The following OTUD7A variants were observed in gnomAD, a reference collection of about 807,000 sequenced individuals.
OTUD7A encodes the protein OTU deubiquitinase 7A.
In OTUD7A, 12 loss-of-function variants were observed where a neutral mutation model predicts 65.7. That is an observed-to-expected ratio of 0.18 (90% CI 0.12 to 0.30). OTUD7A has a LOEUF of 0.30. OTUD7A is among the 10% of genes least tolerant of loss of function. The pLI, the probability that OTUD7A is intolerant of heterozygous loss-of-function variation, is 1.00. For synonymous variants in OTUD7A, 641 were observed against 586.3 expected (o/e 1.09, Z -1.35); for missense variants, 1,148 against 1,304.8 (o/e 0.88, Z 1.85).
At position 31,702,586 on chromosome 15, in the gene OTUD7A, A is replaced by C. The variant is rs555823089; in HGVS notation, c.-99-45509T>G. Reference sequence around the variant, plus strand: ...GTATGCTGAACACCATAAAACATTAAAGATATAAAAATCTACTAATTAAAT... The same window carrying C: ...GTATGCTGAACACCATAAAACATTACAGATATAAAAATCTACTAATTAAAT... On this transcript the variant is annotated intron_variant, in intron 1 of 12. Coordinates refer to ENST00000307050, the MANE Select transcript of OTUD7A (RefSeq NM_001382637.1). Among the ~76,000 whole-genome samples the C allele has an allele frequency of 6.8e-3, 1,037 of 151,744 alleles. 12 individuals carry two copies. Among genetic ancestry groups the C allele is most frequent in the African/African-American group, 0.024 (991 of 41,312 alleles).
intron 3 of OTUD7A, among the ~76,000 whole-genome samples, chr15:31,579,175 A>T (rs188494600): frequency 6.6e-6 from 1 of 152,348 alleles, no homozygotes. Context: ...GAAAAATCTG[A>T]GGAAAAAACA....
intron 5 of OTUD7A, among the ~76,000 whole-genome samples, chr15:31,554,033 C>T (rs981341206): frequency 3.3e-5 from 5 of 152,126 alleles, no homozygotes; most frequent in African/African-American, 9.7e-5. Context: ...CTCTCACCCT[C>T]GCTCCACCAG....
At chr15:31,562,860 C>T (rs1888738188) in intron 4 of OTUD7A, among the ~76,000 whole-genome samples, 1 of 152,072 alleles carries the variant, frequency 6.6e-6, no homozygotes, top group African/African-American at 2.4e-5. Context: ...AAAAAACAGC[C>T]CAGATTGGGC....
chr15:31,611,640 G>T (rs1397718865), intron 3 of OTUD7A, among the ~76,000 whole-genome samples: 3 of 152,102 alleles, frequency 2.0e-5, no homozygotes, highest in African/African-American at 7.2e-5. Context: ...CCAATAACAA[G>T]CAGGGAGATT....
chr15:31,735,204 C>T (rs1716965902), intron 1 of OTUD7A, among the ~76,000 whole-genome samples: 5 of 152,144 alleles, frequency 3.3e-5, no homozygotes, highest in African/African-American at 1.2e-4. Context: ...TACCATCTCA[C>T]ACCAGTCAGA....
chr15:31,600,509 C>T (rs140196900), intron 3 of OTUD7A, among the ~76,000 whole-genome samples: 5,318 of 152,202 alleles, frequency 0.035, 333 homozygotes, highest in African/African-American at 0.12. Flanking sequence ...CAAAAACATA[C>T]CAAATTGTAA....
At chr15:31,835,771 TAC>T (rs1897041644) in intron 1 of OTUD7A, among the ~76,000 whole-genome samples, 1 of 151,696 alleles carries the variant, frequency 6.6e-6, no homozygotes, top group South Asian at 2.1e-4. Context: ...TATATCTGTA[TAC>T]ACATACACAT....
chr15:31,501,586 A>AG (rs921744888), intron 10 of OTUD7A, 104 bp downstream of exon 10: 82 of 1,453,518 alleles, frequency 5.6e-5, no homozygotes, highest in Middle Eastern at 2.1e-4. Flanking sequence ...TGTGCTTCTA[A>AG]GGGGGGGTCT....
intron 3 of OTUD7A, among the ~76,000 whole-genome samples, chr15:31,652,986 C>T (rs1446214748): frequency 6.6e-6 from 1 of 152,100 alleles, no homozygotes; most frequent in East Asian, 1.9e-4. Flanking sequence ...CACAGTGGCT[C>T]ACACCTATAA....
intron 2 of OTUD7A, among the ~76,000 whole-genome samples, chr15:31,655,642 A>C (rs1173352327): frequency 2.0e-5 from 3 of 152,182 alleles, no homozygotes; most frequent in Admixed American, 6.5e-5. Flanking sequence ...CCCAGCCTTT[A>C]GTACTGTGTG....
chr15:31,529,123 T>C (rs1023206297), intron 6 of OTUD7A, among the ~76,000 whole-genome samples: 3 of 152,228 alleles, frequency 2.0e-5, no homozygotes, highest in African/African-American at 7.2e-5. Flanking sequence ...ACAATGACTC[T>C]ACATGCTGCA....
chr15:31,723,912 T>C (rs1189067760), intron 1 of OTUD7A, among the ~76,000 whole-genome samples: 1 of 98,856 alleles, frequency 1.0e-5, no homozygotes, highest in African/African-American at 4.1e-5. Flanking sequence ...GTGAGTGCCG[T>C]CTCCCCACAC....
intron 8 of OTUD7A, among the ~76,000 whole-genome samples, chr15:31,516,311 C>A (rs1052979318): frequency 3.3e-5 from 5 of 152,232 alleles, no homozygotes; most frequent in Non-Finnish European, 7.3e-5. Flanking sequence ...TGGAGGACAG[C>A]TGGAGCAGAG....
intron 3 of OTUD7A, among the ~76,000 whole-genome samples, chr15:31,594,819 G>A (rs1340348875): frequency 1.3e-5 from 2 of 152,162 alleles, no homozygotes; most frequent in East Asian, 3.8e-4. Flanking sequence ...GACAGGGATG[G>A]GTGCAGGTGC....
intron 1 of OTUD7A, among the ~76,000 whole-genome samples, chr15:31,665,074 T>C (rs984491202): frequency 1.3e-5 from 2 of 152,220 alleles, no homozygotes; most frequent in African/African-American, 4.8e-5. Context: ...TATAGTATAG[T>C]TTGAAAGCAG....
chr15:31,709,732 G>A (rs951379682), intron 1 of OTUD7A, among the ~76,000 whole-genome samples: 17 of 152,074 alleles, frequency 1.1e-4, no homozygotes, highest in African/African-American at 3.4e-4. Flanking sequence ...GGTTCTATAT[G>A]CAGGCCTGCT....
intron 3 of OTUD7A, among the ~76,000 whole-genome samples, chr15:31,617,765 T>A (rs1890637643): frequency 6.6e-6 from 1 of 151,448 alleles, no homozygotes; most frequent in South Asian, 2.1e-4. Flanking sequence ...CTTTTTTATT[T>A]TTATTTTATT....
intron 1 of OTUD7A, among the ~76,000 whole-genome samples, chr15:31,837,253 G>A (rs1281880030): frequency 1.3e-5 from 2 of 152,028 alleles, no homozygotes; most frequent in African/African-American, 2.4e-5. Context: ...GCTGGGCCAG[G>A]TGCAGTGGCT....
chr15:31,766,277 T>C, intron 1 of OTUD7A: 5 of 1,602,168 alleles, frequency 3.1e-6, no homozygotes, highest in Non-Finnish European at 4.3e-6. Flanking sequence ...CATCATGAAG[T>C]TTGGGCATAT....
Sources: gnomAD v4.1 joint callset for allele counts (sites outside exome capture counted in the v4.1 genomes callset) on GRCh38, gnomAD v4.1.1 for gene constraint, MANE v1.5 for transcripts, NCBI Gene and HGNC (gene_info 2026-07-23, HGNC 2026-07-21) for gene names.